PDE3A: variants seen among roughly 807,000 people sequenced by gnomAD.
PDE3A encodes phosphodiesterase 3A.
A neutral mutation model predicts 98.3 loss-of-function variants in PDE3A; 43 were observed. The observed-to-expected ratio is 0.44, with a 90% CI of 0.34 to 0.56. The LOEUF (loss-of-function observed/expected upper bound fraction) is 0.56. Among genes scored for constraint, PDE3A ranks in the 20% least tolerant of loss-of-function variants. The pLI is 0.01. For synonymous variants in PDE3A, 663 were observed against 567.9 expected, an observed-to-expected ratio of 1.17 and a Z score of -2.38; for missense variants, 1,427 against 1,440.7, an observed-to-expected ratio of 0.99 and a Z score of 0.15.
At chr12:20,448,445 G>T (rs1318050776) in intron 1 of PDE3A, among the ~76,000 whole-genome samples, 1 of 152,108 alleles carries the variant, frequency 6.6e-6, no homozygotes, top group African/African-American at 2.4e-5. Context: ...CTGTCTCCAG[G>T]GGGAAATATT....
intron 1 of PDE3A, among the ~76,000 whole-genome samples, chr12:20,412,022 C>T (rs902160611): frequency 7.9e-5 from 12 of 152,200 alleles, no homozygotes; most frequent in Admixed American, 5.9e-4. Flanking sequence ...TACTTATGAT[C>T]TATCCAAATA....
At chr12:20,401,848 C>T (rs1944138022) in intron 1 of PDE3A, among the ~76,000 whole-genome samples, 2 of 152,296 alleles carry the variant, frequency 1.3e-5, no homozygotes, top group South Asian at 4.1e-4. Flanking sequence ...TTATTTATTG[C>T]AGTGCCATGT....
intron 15 of PDE3A, among the ~76,000 whole-genome samples, chr12:20,657,916 A>G (rs1945080138): frequency 6.6e-6 from 1 of 152,214 alleles, no homozygotes; most frequent in Non-Finnish European, 1.5e-5. Flanking sequence ...TAACTTTAAG[A>G]TGAAATAATC....
At chr12:20,677,754 C>G (rs529192877) in intron 15 of PDE3A, among the ~76,000 whole-genome samples, 1 of 152,242 alleles carries the variant, frequency 6.6e-6, no homozygotes, top group South Asian at 2.1e-4. Flanking sequence ...ATTAAATTAT[C>G]TTTTGTCAGG....
intron 2 of PDE3A, among the ~76,000 whole-genome samples, chr12:20,561,960 T>C (rs1212213596): frequency 6.6e-6 from 1 of 152,170 alleles, no homozygotes; most frequent in African/African-American, 2.4e-5. Context: ...TTCTGGCTGA[T>C]TTTTCTTCTT....
At chr12:20,420,693 G>A (rs547201730) in intron 1 of PDE3A, among the ~76,000 whole-genome samples, 4 of 152,212 alleles carry the variant, frequency 2.6e-5, no homozygotes, top group African/African-American at 9.6e-5. Flanking sequence ...GTTGTATGGA[G>A]CAGAGTCCCA....
At chr12:20,660,633 C>G (rs1788392338) in intron 15 of PDE3A, among the ~76,000 whole-genome samples, 2 of 152,186 alleles carry the variant, frequency 1.3e-5, no homozygotes, top group Admixed American at 1.3e-4. Flanking sequence ...GTGAATAAGT[C>G]TCACAAGATC....
intron 15 of PDE3A, among the ~76,000 whole-genome samples, chr12:20,675,152 C>T (rs887356855): frequency 1.3e-5 from 2 of 151,666 alleles, no homozygotes; most frequent in Non-Finnish European, 2.9e-5. Flanking sequence ...TGATTTATTC[C>T]TTAATTATCT....
intron 1 of PDE3A, among the ~76,000 whole-genome samples, chr12:20,487,193 T>A (rs995454727): frequency 1.6e-4 from 24 of 152,234 alleles, no homozygotes; most frequent in African/African-American, 5.5e-4. Context: ...TGTGTAGAAC[T>A]AAAGAATAAT....
At chr12:20,638,130 A>T (rs1944561537) in intron 9 of PDE3A, among the ~76,000 whole-genome samples, 1 of 151,736 alleles carries the variant, frequency 6.6e-6, no homozygotes, top group Non-Finnish European at 1.5e-5. Context: ...GCAAAACAAT[A>T]GAAGAGAAAT....
intron 2 of PDE3A, among the ~76,000 whole-genome samples, chr12:20,563,612 C>T (rs147704278): frequency 6.6e-6 from 1 of 152,162 alleles, no homozygotes; most frequent in Non-Finnish European, 1.5e-5. Context: ...GAAATTTTTC[C>T]AATAATTGTT....
chr12:20,563,825 C>G (rs1942589977), intron 2 of PDE3A, among the ~76,000 whole-genome samples: 1 of 152,062 alleles, frequency 6.6e-6, no homozygotes, highest in East Asian at 1.9e-4. Flanking sequence ...TCTATCTTCT[C>G]CATTAGGTCT....
chr12:20,523,947 T>C (rs899856180), intron 1 of PDE3A, among the ~76,000 whole-genome samples: 3 of 152,212 alleles, frequency 2.0e-5, no homozygotes, highest in Admixed American at 1.3e-4. Context: ...TATATGTGTG[T>C]ATCACTGATA....
At chr12:20,677,111 G>C (rs918153789) in intron 15 of PDE3A, among the ~76,000 whole-genome samples, 2 of 152,110 alleles carry the variant, frequency 1.3e-5, no homozygotes, top group African/African-American at 4.8e-5. Flanking sequence ...TCTTCAACTT[G>C]ATATAGTCTA....
chr12:20,396,168 C>T (rs980939504), intron 1 of PDE3A, among the ~76,000 whole-genome samples: 1 of 152,084 alleles, frequency 6.6e-6, no homozygotes, highest in Non-Finnish European at 1.5e-5. Context: ...CATAGCTCCC[C>T]AATATAAATG....
chr12:20,637,074 A>G (rs377282811), intron 8 of PDE3A, 26 bp from the exon 9 acceptor site: 108 of 1,527,202 alleles, frequency 7.1e-5, no homozygotes, highest in Non-Finnish European at 8.9e-5. Context: ...CATGCTGTTT[A>G]AGTATTTTAA....
chr12:20,548,750 TTGTC>T (rs1400445941), intron 1 of PDE3A, among the ~76,000 whole-genome samples: 1 of 152,156 alleles, frequency 6.6e-6, no homozygotes, highest in Non-Finnish European at 1.5e-5. Context: ...CTTTTCCTCA[TTGTC>T]TGTGGCCCAT....
intron 1 of PDE3A, among the ~76,000 whole-genome samples, chr12:20,477,559 G>T (rs961920133): frequency 6.6e-6 from 1 of 152,052 alleles, no homozygotes; most frequent in Non-Finnish European, 1.5e-5. Flanking sequence ...GGAATAATTC[G>T]ATATCTGGCT....
chr12:20,437,104 G>A (rs1409551342), intron 1 of PDE3A, among the ~76,000 whole-genome samples: 1 of 151,738 alleles, frequency 6.6e-6, no homozygotes, highest in Non-Finnish European at 1.5e-5. Context: ...ATTCCTTTGA[G>A]TATTGACTAC....
Sources: allele counts gnomAD v4.1 joint callset (sites outside exome capture counted in the v4.1 genomes callset), GRCh38; gene constraint gnomAD v4.1.1; transcripts MANE v1.5; gene names NCBI Gene and HGNC (gene_info 2026-07-23, HGNC 2026-07-21).